SPATA13: variants seen among roughly 807,000 people sequenced by gnomAD.
The protein encoded by SPATA13 is spermatogenesis-associated protein 13.
In SPATA13, 50 loss-of-function variants were observed where a neutral mutation model predicts 104.0. The observed-to-expected ratio is 0.48, with a 90% CI of 0.38 to 0.61. The LOEUF is 0.61. Among genes scored for constraint, SPATA13 ranks in the 20% least tolerant of loss-of-function variants. The pLI is 0.00. For synonymous variants in SPATA13, 606 were observed against 667.5 expected (o/e 0.91, Z 1.42); for missense variants, 1,524 against 1,690.6 (o/e 0.90, Z 1.73).
At chr13:23,989,831 C>T (rs1875324964) in intron 2 of SPATA13, among the ~76,000 whole-genome samples, 1 of 152,124 alleles carries the variant, frequency 6.6e-6, no homozygotes, top group Non-Finnish European at 1.5e-5. Context: ...AGGGTTGGTG[C>T]CCTCAGAAAA....
chr13:24,157,105 C>G (rs576215526), upstream of SPATA13, among the ~76,000 whole-genome samples: 1 of 152,328 alleles, frequency 6.6e-6, no homozygotes, highest in Admixed American at 6.5e-5. Flanking sequence ...TAAGTTACTT[C>G]CTCCAGGTGA....
At chr13:24,240,864 A>G (rs1872798714) in intron 2 of SPATA13, among the ~76,000 whole-genome samples, 1 of 152,156 alleles carries the variant, frequency 6.6e-6, no homozygotes, top group Non-Finnish European at 1.5e-5. Context: ...TATCACCACC[A>G]TGCTCCTCTC....
At chr13:24,297,028 T>C (rs1035659475) in intron 10 of SPATA13, among the ~76,000 whole-genome samples, 4 of 151,784 alleles carry the variant, frequency 2.6e-5, no homozygotes, top group African/African-American at 9.7e-5. Flanking sequence ...GTTGTTGTTG[T>C]TTGTTTGTTT....
chr13:24,206,242 C>A (rs969795334), intron 1 of SPATA13, among the ~76,000 whole-genome samples: 14 of 151,142 alleles, frequency 9.3e-5, no homozygotes, highest in African/African-American at 3.2e-4. Context: ...AAAACAACAC[C>A]ATTAAAAAGT....
chr13:24,105,273 C>A (rs889501823), intron 3 of SPATA13, among the ~76,000 whole-genome samples: 1 of 152,084 alleles, frequency 6.6e-6, no homozygotes, highest in Non-Finnish European at 1.5e-5. Flanking sequence ...CAGGTGCACA[C>A]CATCATGCCA....
intron 3 of SPATA13, among the ~76,000 whole-genome samples, chr13:24,026,451 T>C: frequency 6.6e-6 from 1 of 152,162 alleles, no homozygotes; most frequent in East Asian, 1.9e-4. Context: ...CTAGCCTTAG[T>C]GATGGGGAGT....
At chr13:24,038,912 C>A (rs1424728609) in intron 3 of SPATA13, among the ~76,000 whole-genome samples, 1 of 152,218 alleles carries the variant, frequency 6.6e-6, no homozygotes, top group Non-Finnish European at 1.5e-5. Context: ...AGGGAGCACA[C>A]AAATCCAGAG....
chr13:24,060,318 G>A (rs1268198620), intron 3 of SPATA13, among the ~76,000 whole-genome samples: 1 of 152,142 alleles, frequency 6.6e-6, no homozygotes. Flanking sequence ...AAAGCTGACA[G>A]AAACAAGCAA....
chr13:24,179,434 TATTTAAAA>T (rs1037363586), intron 1 of SPATA13, among the ~76,000 whole-genome samples: 3 of 152,226 alleles, frequency 2.0e-5, no homozygotes, highest in Admixed American at 6.5e-5. Context: ...TGATGTGTGC[TATTTAAAA>T]ATTTAAAAAT....
At chr13:23,994,175 GA>G (rs897578766) in intron 2 of SPATA13, among the ~76,000 whole-genome samples, 2 of 152,104 alleles carry the variant, frequency 1.3e-5, no homozygotes, top group African/African-American at 4.8e-5. Context: ...TGTTCTAAAG[GA>G]AACACTACTG....
At chr13:23,997,273 C>A (rs2137667564) in intron 2 of SPATA13, among the ~76,000 whole-genome samples, 1 of 152,232 alleles carries the variant, frequency 6.6e-6, no homozygotes, top group Admixed American at 6.5e-5. Context: ...TATGTGTATA[C>A]TCACCACAAT....
intron 1 of SPATA13, among the ~76,000 whole-genome samples, chr13:24,210,705 C>CT (rs1433551264): frequency 5.6e-5 from 7 of 124,908 alleles, no homozygotes; most frequent in Admixed American, 2.3e-4. Context: ...CAGCTTTATT[C>CT]TTTTTTTTCA....
chr13:24,077,626 T>TA (rs57570010), intron 3 of SPATA13, among the ~76,000 whole-genome samples: 24 of 149,092 alleles, frequency 1.6e-4, no homozygotes, highest in East Asian at 3.9e-4. Context: ...AAATAAAATT[T>TA]AAAAAAAAAA....
At chr13:24,294,128 G>A (rs1162478355) in intron 9 of SPATA13, among the ~76,000 whole-genome samples, 1 of 152,150 alleles carries the variant, frequency 6.6e-6, no homozygotes. Context: ...CAGTTTTAGC[G>A]GGCTTGGGAG....
intron 4 of SPATA13, among the ~76,000 whole-genome samples, chr13:24,272,076 AAGCGGAC>A (rs1245037435): frequency 6.6e-6 from 1 of 152,162 alleles, no homozygotes; most frequent in Non-Finnish European, 1.5e-5. Flanking sequence ...TGGGTGGAGG[AAGCGGAC>A]GTGCGGGTGC....
At chr13:24,251,594 C>T (rs1873484267) in intron 3 of SPATA13, 124 bp from the exon 4 acceptor site, 1 of 1,508,836 alleles carries the variant, frequency 6.6e-7, no homozygotes, top group Admixed American at 2.1e-5. Context: ...CAACTCGTGG[C>T]AGGATTGGAG....
rs1436331233 is a variant in SPATA13 at position 24,244,795 on chromosome 13, GGAGGCTGCAGT to G, written c.1654-4678_1654-4668del. ...GGAGGATCACCTGAGCCCAGGAGGT[GGAGGCTGCAGT>G]GAGCTGTGATTGTACCACTGCCTGG... On this transcript the variant is annotated intron_variant, in intron 2 of 12. Coordinates refer to ENST00000382108, the MANE Select transcript of SPATA13 (RefSeq NM_001166271.3). 2.6e-5 allele frequency among the ~76,000 whole-genome samples: 4 copies of G among 152,326 alleles called. No homozygotes were observed. In the East Asian group the frequency reaches 7.7e-4, roughly 29 times the overall value.
intron 1 of SPATA13, among the ~76,000 whole-genome samples, chr13:24,173,845 T>A (rs1473494500): frequency 6.6e-6 from 1 of 152,194 alleles, no homozygotes; most frequent in Non-Finnish European, 1.5e-5. Context: ...GTATGAATAA[T>A]TATTTTATAT....
In SPATA13 at chr13:24,049,487, C is replaced by T. The variant is rs1404820714; in HGVS notation, c.-112+31786C>T. On this transcript the variant is annotated intron_variant, in intron 3 of 14. Coordinates refer to the SPATA13 transcript ENST00000424834. ...CGTGTTGTTCACACAGCAACAACAT[C>T]GCCTACATTTCTCAGAATGTAGCCC... Among the ~76,000 whole-genome samples the T allele has an allele frequency of 3.5e-4, 53 of 152,128 alleles. 2 individuals are homozygous for T. The highest frequency in any genetic ancestry group is 3.4e-3 in the Admixed American group (52 of 15,266).
Sources: allele counts gnomAD v4.1 joint callset (sites outside exome capture counted in the v4.1 genomes callset), GRCh38; gene constraint gnomAD v4.1.1; transcripts MANE v1.5; gene names NCBI Gene and HGNC (gene_info 2026-07-23, HGNC 2026-07-21).